The following HECW1 variants were observed in gnomAD, a reference collection of about 807,000 sequenced individuals.
HECW1 encodes E3 ubiquitin-protein ligase HECW1.
Under a neutral mutation model 182.3 loss-of-function variants are expected in HECW1, and 61 were observed. The observed-to-expected ratio is 0.33, with a 90% CI of 0.27 to 0.41. HECW1 has a LOEUF of 0.41. Ranked by LOEUF, HECW1 falls within the 10% of genes least tolerant of loss-of-function variation. The pLI is 1.00. For synonymous variants in HECW1, 859 were observed against 832.6 expected, an observed-to-expected ratio of 1.03 and a Z score of -0.55; for missense variants, 1,739 against 2,108.9, an observed-to-expected ratio of 0.82 and a Z score of 3.44.
intron 2 of HECW1, among the ~76,000 whole-genome samples, chr7:43,164,134 AGC>A (rs1583772818): frequency 6.6e-6 from 1 of 152,126 alleles, no homozygotes; most frequent in Non-Finnish European, 1.5e-5. Context: ...GTCAAAGAGC[AGC>A]TAAGGACCAG....
At chr7:43,316,768 T>TCC (rs1809325446) in intron 4 of HECW1, among the ~76,000 whole-genome samples, 2 of 91,200 alleles carry the variant, frequency 2.2e-5, no homozygotes, top group Admixed American at 1.0e-4. Context: ...CCCTCCCCTT[T>TCC]TCTCTCCTCC....
At chr7:43,323,218 C>T (rs1346711752) in intron 5 of HECW1, among the ~76,000 whole-genome samples, 1 of 152,172 alleles carries the variant, frequency 6.6e-6, no homozygotes, top group Non-Finnish European at 1.5e-5. Context: ...ATATATAGAA[C>T]ATTTCTTGTA....
intron 4 of HECW1, among the ~76,000 whole-genome samples, chr7:43,315,455 C>CATTATTATT (rs1236856008): frequency 7.6e-5 from 9 of 117,734 alleles, no homozygotes; most frequent in African/African-American, 5.2e-4. Flanking sequence ...TCTCCCGTCC[C>CATTATTATT]ATTATTATTG....
intron 4 of HECW1, among the ~76,000 whole-genome samples, chr7:43,316,769 TCTCTCCTCCCCTCCCCTC>T (rs1562826322): frequency 5.8e-5 from 1 of 17,172 alleles, no homozygotes; most frequent in Non-Finnish European, 9.3e-5. Context: ...CCTCCCCTTT[TCTCTCCTCCCCTCCCCTC>T]CTCTCCTCTC....
intron 2 of HECW1, among the ~76,000 whole-genome samples, chr7:43,163,381 G>A (rs976190065): frequency 6.6e-6 from 1 of 152,232 alleles, no homozygotes; most frequent in South Asian, 2.1e-4. Context: ...ACTGTGTGCA[G>A]TGACAGAAGT....
chr7:43,114,302 C>T lies in HECW1; in HGVS notation c.-121C>T, dbSNP rs764927144. ...CCCGAAAAGGCCAACCGTTAAAGAC[C>T]CCGGCAGTGTTGTGGTCCAAGGCGT... is the stretch of plus-strand genomic sequence containing the variant. On this transcript the variant is annotated 5_prime_UTR_variant, in exon 2 of 30. Coordinates refer to ENST00000395891, the MANE Select transcript of HECW1 (RefSeq NM_015052.5). The T allele has an allele frequency of 1.0e-5, 14 of 1,363,266 alleles. No homozygotes were observed. Among genetic ancestry groups the T allele is most frequent in the Non-Finnish European group, 1.3e-5 (13 of 1,034,172 alleles). The allele number at this position is 1,363,266 out of a possible 1,614,324, so 84.4% of individuals were successfully genotyped here.
At chr7:43,248,390 C>T (rs888284159) in intron 3 of HECW1, among the ~76,000 whole-genome samples, 1 of 152,126 alleles carries the variant, frequency 6.6e-6, no homozygotes, top group Non-Finnish European at 1.5e-5. Flanking sequence ...TTCCCTACAC[C>T]ATACCCCGCC....
At chr7:43,378,533 G>T (rs1045139989) in intron 6 of HECW1, among the ~76,000 whole-genome samples, 1 of 152,250 alleles carries the variant, frequency 6.6e-6, no homozygotes, top group African/African-American at 2.4e-5. Context: ...GGCCAGGCAT[G>T]GTGGCTCACA....
chr7:43,301,006 GA>G (rs1441105442), intron 3 of HECW1, among the ~76,000 whole-genome samples: 6 of 152,160 alleles, frequency 3.9e-5, no homozygotes, highest in Non-Finnish European at 5.9e-5. Context: ...TGGCATTCAG[GA>G]GAGCTATACT....
At chr7:43,373,255 G>A (rs1384185174) in intron 6 of HECW1, among the ~76,000 whole-genome samples, 2 of 148,486 alleles carry the variant, frequency 1.3e-5, no homozygotes, top group East Asian at 4.0e-4. Context: ...TGTTGCTCAG[G>A]CTGGAGTGCA....
At chr7:43,273,305 T>C (rs1802647271) in intron 3 of HECW1, among the ~76,000 whole-genome samples, 1 of 152,074 alleles carries the variant, frequency 6.6e-6, no homozygotes, top group Non-Finnish European at 1.5e-5. Flanking sequence ...CCTCCACGTG[T>C]ACCCCTGAAT....
At chr7:43,140,409 C>A (rs895357091) in intron 2 of HECW1, among the ~76,000 whole-genome samples, 9 of 152,068 alleles carry the variant, frequency 5.9e-5, no homozygotes, top group Non-Finnish European at 1.0e-4. Flanking sequence ...GTCAGTTCTC[C>A]AAAAAAATCC....
chr7:43,526,358 T>C (rs994683436), intron 24 of HECW1, among the ~76,000 whole-genome samples: 7 of 152,168 alleles, frequency 4.6e-5, no homozygotes, highest in African/African-American at 1.7e-4. Flanking sequence ...CATGAGGGCC[T>C]TGTCTATTAT....
At chr7:43,343,908 T>C (rs1322915409) in intron 5 of HECW1, among the ~76,000 whole-genome samples, 1 of 151,808 alleles carries the variant, frequency 6.6e-6, no homozygotes, top group Non-Finnish European at 1.5e-5. Flanking sequence ...CCACATCCTC[T>C]CCAGCATCTG....
At chr7:43,183,399 C>T (rs1418923709) in intron 2 of HECW1, among the ~76,000 whole-genome samples, 1 of 152,084 alleles carries the variant, frequency 6.6e-6, no homozygotes, top group African/African-American at 2.4e-5. Flanking sequence ...ATCCTCCGCC[C>T]TCAATACACA....
chr7:43,375,296 A>G (rs186258952), intron 6 of HECW1, among the ~76,000 whole-genome samples: 2,077 of 146,480 alleles, frequency 0.014, 16 homozygotes, highest in Non-Finnish European at 0.023. Flanking sequence ...ATTTAAAGGG[A>G]AAAAAAAAAT....
At chr7:43,217,370 T>C (rs1288644596) in intron 2 of HECW1, among the ~76,000 whole-genome samples, 2 of 152,232 alleles carry the variant, frequency 1.3e-5, no homozygotes, top group African/African-American at 4.8e-5. Context: ...TTTCTGGGAA[T>C]ACAGATAAGA....
chr7:43,359,589 T>TA (rs1815615731), intron 5 of HECW1, among the ~76,000 whole-genome samples: 1 of 152,306 alleles, frequency 6.6e-6, no homozygotes, highest in East Asian at 1.9e-4. Context: ...GTCAATTTTT[T>TA]AAAAAAGCAA....
At chr7:43,306,664 T>C (rs550500324) in intron 3 of HECW1, among the ~76,000 whole-genome samples, 109 of 152,342 alleles carry the variant, frequency 7.2e-4, no homozygotes, top group African/African-American at 2.5e-3. Flanking sequence ...TGCCTTTGTC[T>C]GCTTTCTTTT....
Sources: gnomAD v4.1 joint callset for allele counts (sites outside exome capture counted in the v4.1 genomes callset) on GRCh38, gnomAD v4.1.1 for gene constraint, MANE v1.5 for transcripts, NCBI Gene and HGNC (gene_info 2026-07-23, HGNC 2026-07-21) for gene names.